The following MTUS2 variants were observed in gnomAD, a reference collection of about 807,000 sequenced individuals.
MTUS2 encodes the protein microtubule associated scaffold protein 2.
A neutral mutation model predicts 114.1 loss-of-function variants in MTUS2; 40 were observed. The observed-to-expected ratio is 0.35, with a 90% CI of 0.27 to 0.46. The LOEUF is 0.46. Among genes scored for constraint, MTUS2 ranks in the 20% least tolerant of loss-of-function variants. The pLI is 1.00. For missense variants in MTUS2, 1,679 were observed against 1,705.4 expected (o/e 0.98, Z 0.27); for synonymous variants, 688 against 672.0 (o/e 1.02, Z -0.37).
intron 5 of MTUS2, among the ~76,000 whole-genome samples, chr13:29,198,047 C>T (rs1010799861): frequency 3.9e-5 from 6 of 152,176 alleles, no homozygotes; most frequent in East Asian, 1.9e-4. Context: ...ATAGTTCTTT[C>T]GCTGTGCAGA....
At chr13:29,367,979 C>T (rs1289845447) in intron 8 of MTUS2, among the ~76,000 whole-genome samples, 4 of 146,274 alleles carry the variant, frequency 2.7e-5, no homozygotes, top group Non-Finnish European at 6.0e-5. Context: ...CACTCTTTCA[C>T]CCAGGCTGGA....
rs896006930 is a variant in MTUS2, at chr13:29,187,197, G to GA, written c.2644+86237dup. Among the ~76,000 whole-genome samples the GA allele has an allele frequency of 1.7e-3, 246 of 142,820 alleles. 1 individual carries two copies. Among genetic ancestry groups the GA allele is most frequent in the African/African-American group, 5.3e-3 (208 of 38,934 alleles). The allele number at this position is 142,820 out of a possible 152,430, so 93.7% of individuals were successfully genotyped here. On this transcript the variant is annotated intron_variant, in intron 5 of 15. Coordinates refer to ENST00000612955, the MANE Select transcript of MTUS2 (RefSeq NM_001033602.4). ...AATGACTTTTCACACTTAGAAATCA[G>GA]AAAAAAAAAAGTGTAAACAAAATCC...
intron 2 of MTUS2, among the ~76,000 whole-genome samples, chr13:29,013,774 A>G (rs922572274): frequency 6.6e-6 from 1 of 152,106 alleles, no homozygotes; most frequent in African/African-American, 2.4e-5. Flanking sequence ...AACTATCCAC[A>G]CACACACACA....
At chr13:29,479,944 G>A (rs1881025563) in intron 9 of MTUS2, 2 of 494,808 alleles carry the variant, frequency 4.0e-6, no homozygotes, top group East Asian at 6.4e-5. Context: ...ACCTCCATGA[G>A]GCTGCAGCTT....
chr13:29,298,407 T>G (rs544107195), intron 6 of MTUS2, among the ~76,000 whole-genome samples: 2 of 152,362 alleles, frequency 1.3e-5, no homozygotes, highest in Non-Finnish European at 2.9e-5. Context: ...AAATAAATTG[T>G]TATTGATTTC....
intron 10 of MTUS2, among the ~76,000 whole-genome samples, chr13:29,483,411 C>G (rs544638160): frequency 6.6e-6 from 1 of 152,384 alleles, no homozygotes; most frequent in South Asian, 2.1e-4. Flanking sequence ...AGGGCATGGG[C>G]TGGCTCTCTG....
chr13:29,256,766 T>C (rs1897295268), intron 5 of MTUS2, among the ~76,000 whole-genome samples: 1 of 152,236 alleles, frequency 6.6e-6, no homozygotes, highest in Non-Finnish European at 1.5e-5. Flanking sequence ...TTGCTCTGCT[T>C]TAAATGAACT....
At chr13:29,287,038 A>T (rs1898520398) in intron 6 of MTUS2, among the ~76,000 whole-genome samples, 1 of 152,226 alleles carries the variant, frequency 6.6e-6, no homozygotes, top group South Asian at 2.1e-4. Context: ...AAACACTAAT[A>T]TACAGAATCT....
At chr13:29,128,513 T>C (rs1891615356) in intron 5 of MTUS2, among the ~76,000 whole-genome samples, 1 of 152,154 alleles carries the variant, frequency 6.6e-6, no homozygotes, top group Non-Finnish European at 1.5e-5. Flanking sequence ...ACATTAAATG[T>C]CAATAACATG....
intron 8 of MTUS2, among the ~76,000 whole-genome samples, chr13:29,435,757 G>C (rs1187166298): frequency 6.6e-6 from 1 of 152,216 alleles, no homozygotes; most frequent in Non-Finnish European, 1.5e-5. Flanking sequence ...TTATGCAGAG[G>C]ATTCATAAAT....
At chr13:29,353,273 G>C (rs1443682825) in intron 7 of MTUS2, among the ~76,000 whole-genome samples, 1 of 152,008 alleles carries the variant, frequency 6.6e-6, no homozygotes, top group Non-Finnish European at 1.5e-5. Context: ...TGGCTCAACC[G>C]ATCCTCCCAC....
intron 14 of MTUS2, among the ~76,000 whole-genome samples, chr13:29,499,029 G>T (rs1375912826): frequency 2.0e-5 from 3 of 152,156 alleles, no homozygotes; most frequent in African/African-American, 7.2e-5. Context: ...ATCTCCCTGG[G>T]GCCCTTTTTA....
At chr13:28,831,504 T>C (rs1025957710) in intron 1 of MTUS2, among the ~76,000 whole-genome samples, 6 of 151,720 alleles carry the variant, frequency 4.0e-5, no homozygotes, top group African/African-American at 1.5e-4. Flanking sequence ...GCTATACCGA[T>C]ATGAAGTGAA....
intron 5 of MTUS2, among the ~76,000 whole-genome samples, chr13:29,206,090 G>A (rs928566840): frequency 6.6e-6 from 1 of 152,068 alleles, no homozygotes; most frequent in Admixed American, 6.5e-5. Flanking sequence ...TAGATTTTTT[G>A]ATTATGGCCG....
At chr13:29,193,162 A>G (rs908719681) in intron 5 of MTUS2, among the ~76,000 whole-genome samples, 5 of 152,168 alleles carry the variant, frequency 3.3e-5, no homozygotes, top group African/African-American at 1.2e-4. Flanking sequence ...GTCACTACAC[A>G]GTGCAGGAGC....
chr13:29,109,458 C>T (rs953370419), intron 5 of MTUS2, among the ~76,000 whole-genome samples: 6 of 152,138 alleles, frequency 3.9e-5, no homozygotes, highest in African/African-American at 1.4e-4. Context: ...AACCCTTTAA[C>T]CAATACCTCC....
chr13:28,860,578 C>G (rs1876911002), intron 2 of MTUS2, among the ~76,000 whole-genome samples: 1 of 152,290 alleles, frequency 6.6e-6, no homozygotes, highest in Admixed American at 6.5e-5. Context: ...CAAAACATCG[C>G]CACATGCTGC....
chr13:29,092,661 G>GCC (rs1890010345), intron 4 of MTUS2, among the ~76,000 whole-genome samples: 1 of 152,072 alleles, frequency 6.6e-6, no homozygotes, highest in Non-Finnish European at 1.5e-5. Context: ...GCCAGGCATG[G>GCC]CCCCGCCAGA....
chr13:28,941,528 T>C (rs1882236568), intron 2 of MTUS2, among the ~76,000 whole-genome samples: 1 of 152,106 alleles, frequency 6.6e-6, no homozygotes, highest in African/African-American at 2.4e-5. Context: ...AATTTTAGTA[T>C]TTTATATTTT....
Sources: gnomAD v4.1 joint callset for allele counts (sites outside exome capture counted in the v4.1 genomes callset) on GRCh38, gnomAD v4.1.1 for gene constraint, MANE v1.5 for transcripts, NCBI Gene and HGNC (gene_info 2026-07-23, HGNC 2026-07-21) for gene names.